Variants in TRADD observed in about 807,000 individuals in gnomAD.
TRADD encodes the protein tumor necrosis factor receptor type 1-associated DEATH domain protein.
TRADD carries 14 observed loss-of-function variants against 31.5 expected under a neutral mutation model. The ratio of observed to expected loss-of-function variants is 0.44; its 90% CI spans 0.29 to 0.69. TRADD has a LOEUF of 0.69. Among genes scored for constraint, TRADD ranks in the 30% least tolerant of loss-of-function variants. The probability of loss-of-function intolerance (pLI) is 0.11; values close to 1 mark genes in which losing one functional copy is unlikely to be tolerated. For synonymous variants in TRADD, 220 were observed against 215.8 expected (o/e 1.02, Z -0.17); for missense variants, 388 against 435.7 (o/e 0.89, Z 0.97).
chr16:67,156,542 G>T lies in TRADD; in HGVS notation c.119C>A (p.Ala40Glu), dbSNP rs751740194. 6.2e-7 allele frequency: 1 copy of T among 1,613,506 alleles called. No homozygotes were observed. Among genetic ancestry groups the T allele is most frequent in the South Asian group, 1.1e-5 (1 of 91,078 alleles). Reference sequence around the variant, plus strand: ...GGCAGCCTGCAGAGCCCTGTACACTGCCACCTTCTGCTGGGGGTGCGCGTA... The same window carrying T: ...GGCAGCCTGCAGAGCCCTGTACACTTCCACCTTCTGCTGGGGGTGCGCGTA... The part of the protein sequence containing the change: ...DAYAHPQQKV[A>E]VYRALQAALA... Residue 40 changes from alanine (A) to glutamate (E), a missense_variant, in exon 2 of 5, where the codon GCA (alanine) becomes GAA (glutamate). Coordinates refer to ENST00000345057, the MANE Select transcript of TRADD (RefSeq NM_003789.4). The surrounding 1 kb of genome is among the most constrained non-coding windows in gnomAD (Gnocchi z 4.6).
intron 2 of TRADD, 151 bp from the exon 3 acceptor site, chr16:67,155,805 A>G: frequency 1.4e-6 from 2 of 1,466,240 alleles, no homozygotes; most frequent in South Asian, 2.8e-5. Context: ...GGGAAGCAAA[A>G]TTGGGATACA....
rs942054461 is a variant in TRADD, at chr16:67,159,178, C to T, written c.-9+660G>A. ...TCCTTGGGAAGCCCCGCGCCCCACCCACCAGGAGTCGTCCCTTTTTGGGCG... is the reference window on the plus strand; with the variant it reads ...TCCTTGGGAAGCCCCGCGCCCCACCTACCAGGAGTCGTCCCTTTTTGGGCG... On this transcript the variant is annotated intron_variant, in intron 1 of 4. Transcript: ENST00000345057. The surrounding 1 kb of genome is among the most constrained non-coding windows in gnomAD (Gnocchi z 6.8). Among the ~76,000 whole-genome samples, 9 of 152,254 alleles carry T rather than the reference C, an allele frequency of 5.9e-5. No individual in the cohort carries two copies. Among genetic ancestry groups the T allele is most frequent in the Non-Finnish European group, 1.2e-4 (8 of 68,036 alleles).
At chr16:67,158,024 T>C (rs1192778942) in intron 1 of TRADD, among the ~76,000 whole-genome samples, 6 of 152,180 alleles carry the variant, frequency 3.9e-5, no homozygotes, top group Non-Finnish European at 2.9e-5. Context: ...AAGAGGAGTG[T>C]TGAGTGTTAG....
chr16:67,158,970 G>A (rs755943355), intron 1 of TRADD, among the ~76,000 whole-genome samples: 2 of 152,186 alleles, frequency 1.3e-5, no homozygotes, highest in African/African-American at 2.4e-5. Flanking sequence ...TGTGGGGGTC[G>A]AGGGGGAGGT....
chr16:67,155,602 G>A lies in TRADD; in HGVS notation c.204C>T (p.Asp68=). Residue 68 remains aspartate, a synonymous_variant, in exon 3 of 5, where the codon GAC becomes GAT. Transcript: ENST00000345057. ...ATCGCAGCTGCACGATCAGCTGCGG[G>A]TCGCTGCGGTGGATCTTCAGCATCT... ...VLQMLKIHRS[D]PQLIVQLRFC... 1.9e-6 allele frequency: 3 copies of A among 1,553,442 alleles called. No individual in the cohort carries two copies. Among genetic ancestry groups the A allele is most frequent in the African/African-American group, 1.4e-5 (1 of 73,696 alleles).
rs763427592 is a variant in TRADD, at chr16:67,154,771, C to T, written c.817G>A (p.Val273Met). 176 of 1,604,388 alleles carry T rather than the reference C, an allele frequency of 1.1e-4. 1 individual carries two copies. Among genetic ancestry groups the T allele is most frequent in the Non-Finnish European group, 1.3e-4 (158 of 1,176,338 alleles). ...GTGGCGCGGCGGCCCTCGGCCTGCA[C>T]GAAGCGCCGCAGCAGCTGGAAGGCC... ...EQAFQLLRRFVQAEGRRATLQ... is the reference protein window; with the variant it reads ...EQAFQLLRRFMQAEGRRATLQ... The change falls in exon 5 of 5, where the codon GTG (valine) becomes ATG (methionine). Residue 273 changes from valine to methionine, a missense_variant. Val to Met is a conservative substitution (Grantham distance 21). Transcript: ENST00000345057. The surrounding 1 kb of genome is among the most constrained non-coding windows in gnomAD (Gnocchi z 5.2).
rs766359202 is a variant in TRADD, at chr16:67,155,468, G to T, written c.338C>A (p.Pro113Gln). The change falls in exon 3 of 5, where the codon CCG (proline) becomes CAG (glutamine). Residue 113 changes from proline (P) to glutamine (Q), a missense_variant. Physicochemically the swap from Pro to Gln is moderately conservative, Grantham distance 76. Coordinates refer to ENST00000345057, the MANE Select transcript of TRADD (RefSeq NM_003789.4). ...LAAALAQHSV[P>Q]LQLELRAGAE... Reference sequence around the variant, plus strand: ...GCCGGCGCGCAGCTCCAGTTGCAGCGGCACCGAGTGCTGGGCGAGCGCGGC... The same window carrying T: ...GCCGGCGCGCAGCTCCAGTTGCAGCTGCACCGAGTGCTGGGCGAGCGCGGC... The T allele has an allele frequency of 1.9e-6, 3 of 1,588,498 alleles. No homozygotes were observed. The highest frequency in any genetic ancestry group is 2.3e-5 in the East Asian group (1 of 44,328).
In TRADD at chr16:67,154,532, C is replaced by A; in HGVS notation, c.*117G>T. 1 of 1,309,850 alleles carries A rather than the reference C, an allele frequency of 7.6e-7. No individual in the cohort carries two copies. The highest frequency in any genetic ancestry group is 1.1e-6 in the Non-Finnish European group (1 of 944,512). The allele number at this position is 1,309,850 out of a possible 1,614,324, so 81.1% of individuals were successfully genotyped here. On this transcript the variant is annotated 3_prime_UTR_variant, in exon 5 of 5. Coordinates refer to ENST00000345057, the MANE Select transcript of TRADD (RefSeq NM_003789.4). This position sits in a 1 kb window ranked among gnomAD's most constrained non-coding sequence, Gnocchi z 5.2. Reference sequence around the variant, plus strand: ...GGCAATCAACTCTGCCCCAGCAGGTCCAGCAGATAGGCCAAGTGGAGTTTC... The same window carrying A: ...GGCAATCAACTCTGCCCCAGCAGGTACAGCAGATAGGCCAAGTGGAGTTTC...
rs1161535287 is a variant in TRADD at position 67,156,541 on chromosome 16, T to C, written c.120A>G (p.Ala40=). ...AGGCAGCCTGCAGAGCCCTGTACAC[T>C]GCCACCTTCTGCTGGGGGTGCGCGT... The part of the protein sequence containing the change: ...DAYAHPQQKV[A]VYRALQAALA... Residue 40 remains alanine, a synonymous_variant, in exon 2 of 5, where the codon GCA becomes GCG. Transcript: ENST00000345057. This position sits in a 1 kb window ranked among gnomAD's most constrained non-coding sequence, Gnocchi z 4.6. 6.2e-7 allele frequency: 1 copy of C among 1,613,572 alleles called. No homozygotes were observed.
At chr16:67,155,065 T>C (rs774728175) in intron 4 of TRADD, 31 bp downstream of exon 4, 3 of 1,257,380 alleles carry the variant, frequency 2.4e-6, no homozygotes, top group South Asian at 1.3e-5. Flanking sequence ...TCCAACCTCC[T>C]GGTGACCCCG....
In TRADD at chr16:67,156,085, C is replaced by T. The variant is rs922529265; in HGVS notation, c.151+425G>A. 24 of 1,349,386 alleles carry T rather than the reference C, an allele frequency of 1.8e-5. No homozygotes were observed. Among genetic ancestry groups the T allele is most frequent in the Non-Finnish European group, 2.0e-5 (21 of 1,029,418 alleles). 83.6% of individuals were successfully genotyped at this position (1,349,386 alleles called of 1,614,324 possible). A position where few individuals can be genotyped will look rare whatever the true frequency, so the allele number is the denominator to read the frequency against. ...GGGAAGAAGAGGGGCTCTCGCCGCT[C>T]TGAGGCCACGAACAGATCCCCCAAC... On this transcript the variant is annotated intron_variant, in intron 2 of 4. Coordinates refer to ENST00000345057, the MANE Select transcript of TRADD (RefSeq NM_003789.4). The surrounding 1 kb of genome is among the most constrained non-coding windows in gnomAD (Gnocchi z 4.6).
Position 67,154,552 on chromosome 16 carries a change from A to G in TRADD, c.*97T>C, listed in dbSNP as rs79616223. On this transcript the variant is annotated 3_prime_UTR_variant, in exon 5 of 5. Transcript: ENST00000345057. The surrounding 1 kb of genome is among the most constrained non-coding windows in gnomAD (Gnocchi z 5.2). The stretch of plus-strand genomic sequence containing the variant: ...CAGGTCCAGCAGATAGGCCAAGTGG[A>G]GTTTCAGGGTCCCGTGGATGGACAG... 0.035 allele frequency: 51,072 copies of G among 1,445,810 alleles called. 1,041 individuals carry two copies. Among genetic ancestry groups the G allele is most frequent in the Middle Eastern group, 0.083 (438 of 5,246 alleles). 89.6% of individuals were successfully genotyped at this position (1,445,810 alleles called of 1,614,324 possible).
rs117480188 is a variant in TRADD at position 67,156,181 on chromosome 16, G to A, written c.151+329C>T. The A allele has an allele frequency of 3.2e-5, 45 of 1,401,342 alleles. No homozygotes were observed. In the East Asian group the frequency reaches 1.6e-3, roughly 49 times the overall value. The allele number at this position is 1,401,342 out of a possible 1,614,324, so 86.8% of individuals were successfully genotyped here. A position where few individuals can be genotyped will look rare whatever the true frequency, so the allele number is the denominator to read the frequency against. On this transcript the variant is annotated intron_variant, in intron 2 of 4. Coordinates refer to ENST00000345057, the MANE Select transcript of TRADD (RefSeq NM_003789.4). The surrounding 1 kb of genome is among the most constrained non-coding windows in gnomAD (Gnocchi z 4.6). ...GCCTGGAAGGGTAGGTACTGGGGAGGGGTCTTGAGCAAGGAGTGCTGCAGT... is the reference window on the plus strand; with the variant it reads ...GCCTGGAAGGGTAGGTACTGGGGAGAGGTCTTGAGCAAGGAGTGCTGCAGT...
chr16:67,155,725 G>T, intron 2 of TRADD, 71 bp from the exon 3 acceptor site: 1 of 1,501,294 alleles, frequency 6.7e-7, no homozygotes, highest in Non-Finnish European at 8.8e-7. Context: ...CGGAGGAGGG[G>T]CGAAGCCCGT....
chr16:67,158,564 G>A (rs186258588), intron 1 of TRADD, among the ~76,000 whole-genome samples: 6 of 151,534 alleles, frequency 4.0e-5, no homozygotes, highest in Admixed American at 3.9e-4. Flanking sequence ...CTCTGGGCAG[G>A]ATGAAGGAAG....
At position 67,156,522 on chromosome 16, in the gene TRADD, C is replaced by T; in HGVS notation, c.139G>A (p.Ala47Thr). ...CCCATCCACGCACCTGCCAAGGCAG[C>T]CTGCAGAGCCCTGTACACTGCCACC... is the stretch of plus-strand genomic sequence containing the variant. ...QKVAVYRALQ[A>T]ALAESGGSPD... Residue 47 changes from alanine (A) to threonine (T), a missense_variant, in exon 2 of 5, where the codon GCT (alanine) becomes ACT (threonine). Physicochemically the swap from Ala to Thr is moderately conservative, Grantham distance 58 (BLOSUM62 0). Transcript: ENST00000345057. This position sits in a 1 kb window ranked among gnomAD's most constrained non-coding sequence, Gnocchi z 4.6. The T allele has an allele frequency of 6.2e-7, 1 of 1,612,968 alleles. No individual in the cohort carries two copies. The highest frequency in any genetic ancestry group is 8.5e-7 in the Non-Finnish European group (1 of 1,180,018).
intron 2 of TRADD, 171 bp from the exon 3 acceptor site, chr16:67,155,825 A>T (rs1597229238): frequency 1.4e-6 from 2 of 1,473,970 alleles, no homozygotes; most frequent in South Asian, 2.7e-5. Context: ...AAACAGCAAT[A>T]ACCCAGAAAG....
In TRADD at chr16:67,156,352, G is replaced by T; in HGVS notation, c.151+158C>A. 7.9e-7 allele frequency: 1 copy of T among 1,260,938 alleles called. No individual in the cohort carries two copies. The highest frequency in any genetic ancestry group is 1.1e-6 in the Non-Finnish European group (1 of 903,312). 78.1% of individuals were successfully genotyped at this position (1,260,938 alleles called of 1,614,324 possible). ...TCGAGAACACACGCCTATCCTCAAG[G>T]TCATGCCACAAGCAAAGAAGAGAGT... is the stretch of plus-strand genomic sequence containing the variant. On this transcript the variant is annotated intron_variant, in intron 2 of 4. Transcript: ENST00000345057. This position sits in a 1 kb window ranked among gnomAD's most constrained non-coding sequence, Gnocchi z 4.6.
rs1437860099 is a variant in TRADD at position 67,156,180 on chromosome 16, G to T, written c.151+330C>A. 1.4e-6 allele frequency: 2 copies of T among 1,399,990 alleles called. No individual in the cohort carries two copies. The highest frequency in any genetic ancestry group is 1.9e-6 in the Non-Finnish European group (2 of 1,060,682). The allele number at this position is 1,399,990 out of a possible 1,614,324, so 86.7% of individuals were successfully genotyped here. On this transcript the variant is annotated intron_variant, in intron 2 of 4. Coordinates refer to ENST00000345057, the MANE Select transcript of TRADD (RefSeq NM_003789.4). This position sits in a 1 kb window ranked among gnomAD's most constrained non-coding sequence, Gnocchi z 4.6. ...GGCCTGGAAGGGTAGGTACTGGGGA[G>T]GGGTCTTGAGCAAGGAGTGCTGCAG...
Sources: allele counts gnomAD v4.1 joint callset (sites outside exome capture counted in the v4.1 genomes callset), GRCh38; gene constraint gnomAD v4.1.1; non-coding constraint Gnocchi (gnomAD v3.1); transcripts MANE v1.5; gene names NCBI Gene and HGNC (gene_info 2026-07-23, HGNC 2026-07-21).